The following TMC2 variants were observed in gnomAD, a reference collection of about 807,000 sequenced individuals.
The protein encoded by TMC2 is transmembrane channel like 2, also known as transmembrane channel-like protein 2.
A neutral mutation model predicts 105.9 loss-of-function variants in TMC2; 102 were observed. The ratio of observed to expected loss-of-function variants is 0.96; its 90% CI spans 0.82 to 1.14. The LOEUF is 1.14. Among genes scored for constraint, TMC2 ranks in the 50% most tolerant of loss-of-function variants. The pLI, the probability that TMC2 is intolerant of heterozygous loss-of-function variation, is 0.00. For synonymous variants in TMC2, 402 were observed against 422.8 expected, an observed-to-expected ratio of 0.95 and a Z score of 0.60; for missense variants, 1,093 against 1,134.3, an observed-to-expected ratio of 0.96 and a Z score of 0.52.
At position 2,612,319 on chromosome 20, in the gene TMC2, C is replaced by T; in HGVS notation, c.1722C>T (p.Cys574=). 1.3e-6 allele frequency: 2 copies of T among 1,584,078 alleles called. No homozygotes were observed. Among genetic ancestry groups the T allele is most frequent in the Non-Finnish European group, 1.7e-6 (2 of 1,160,074 alleles). Residue 574 remains cysteine (C), a synonymous_variant, in exon 13 of 20, where the codon TGC becomes TGT. Coordinates refer to ENST00000358864, the MANE Select transcript of TMC2 (RefSeq NM_080751.3). The part of the protein sequence containing the change: ...LHPADVPRGS[C]WETAVGIEFM... ...CTGCAGATGTGCCCCGGGGTTCTTG[C>T]TGGGAGACAGCTGTGGGCATTGTGA...
chr20:2,603,235 A>C (rs2086364498), intron 11 of TMC2, among the ~76,000 whole-genome samples: 1 of 152,182 alleles, frequency 6.6e-6, no homozygotes, highest in African/African-American at 2.4e-5. Context: ...AAAAAAAAAA[A>C]AAATGCTGCC....
intron 4 of TMC2, among the ~76,000 whole-genome samples, chr20:2,563,641 G>C (rs547487039): frequency 6.6e-6 from 1 of 152,296 alleles, no homozygotes; most frequent in African/African-American, 2.4e-5. Context: ...CAAGAAACAA[G>C]TATGGGAGGT....
At position 2,561,386 on chromosome 20, in the gene TMC2, G is replaced by A. The variant is rs184054305; in HGVS notation, c.402-472G>A. On this transcript the variant is annotated intron_variant, in intron 3 of 19. Transcript: ENST00000358864. ...AGTTTATCATCTGAATAGCCTTGCAGTATGAGTACAAAATGAACAGTGACC... is the reference window on the plus strand; with the variant it reads ...AGTTTATCATCTGAATAGCCTTGCAATATGAGTACAAAATGAACAGTGACC... Among the ~76,000 whole-genome samples, 4 of 152,292 alleles carry A rather than the reference G, an allele frequency of 2.6e-5. 1 individual carries two copies. The highest frequency in any genetic ancestry group is 2.6e-4 in the Admixed American group (4 of 15,296).
chr20:2,588,444 C>T (rs1419036185), intron 7 of TMC2, among the ~76,000 whole-genome samples: 2 of 152,198 alleles, frequency 1.3e-5, no homozygotes, highest in Non-Finnish European at 2.9e-5. Flanking sequence ...GACTGCTGAC[C>T]TACAGAACTG....
chr20:2,591,279 A>G (rs1027187640), intron 7 of TMC2, among the ~76,000 whole-genome samples: 6 of 152,188 alleles, frequency 3.9e-5, no homozygotes, highest in Non-Finnish European at 5.9e-5. Context: ...GACGTAGGAA[A>G]CTGGTCACAA....
chr20:2,569,025 C>T (rs2086084152), intron 4 of TMC2, among the ~76,000 whole-genome samples: 2 of 152,172 alleles, frequency 1.3e-5, no homozygotes, highest in Admixed American at 1.3e-4. Flanking sequence ...ACAACACCTT[C>T]TTCCATCTGC....
At chr20:2,589,036 C>T (rs2086249844) in intron 7 of TMC2, among the ~76,000 whole-genome samples, 1 of 152,206 alleles carries the variant, frequency 6.6e-6, no homozygotes, top group Middle Eastern at 3.4e-3. Context: ...TGACTGACAA[C>T]TCCCTTATTT....
intron 5 of TMC2, among the ~76,000 whole-genome samples, chr20:2,573,546 T>TTTTTC (rs2086118169): frequency 6.7e-6 from 1 of 149,874 alleles, no homozygotes; most frequent in African/African-American, 2.5e-5. Context: ...AATTCTTTTT[T>TTTTTC]TTTTCTTTTC....
At position 2,597,299 on chromosome 20, in the gene TMC2, G is replaced by A; in HGVS notation, c.1224+1G>A. On this transcript the variant is annotated splice_donor_variant, in intron 10 of 19. Transcript: ENST00000358864. LOFTEE classifies it high-confidence loss of function. ...TGCATCCATCACCACCAGCTTCAAG[G>A]TAGTCACCCCAGGGCAGTTCCCACT... is the stretch of plus-strand genomic sequence containing the variant. 6.2e-7 allele frequency: 1 copy of A among 1,613,550 alleles called. No individual in the cohort carries two copies. The highest frequency in any genetic ancestry group is 8.5e-7 in the Non-Finnish European group (1 of 1,179,700).
intron 2 of TMC2, among the ~76,000 whole-genome samples, chr20:2,554,712 C>A (rs377693573): frequency 2.5e-4 from 38 of 152,114 alleles, no homozygotes; most frequent in African/African-American, 8.9e-4. Flanking sequence ...TAGAAGTGGG[C>A]TGTTTTATCT....
intron 17 of TMC2, among the ~76,000 whole-genome samples, chr20:2,625,257 C>A (rs374552157): frequency 1.3e-5 from 2 of 152,072 alleles, no homozygotes; most frequent in African/African-American, 4.8e-5. Context: ...CAAATGAGTA[C>A]AGACAACCAT....
At chr20:2,624,705 TG>T (rs1215885860) in intron 17 of TMC2, among the ~76,000 whole-genome samples, 5 of 151,632 alleles carry the variant, frequency 3.3e-5, no homozygotes, top group African/African-American at 1.2e-4. Context: ...ATGGGTAAAA[TG>T]GCTTCAAGGG....
Position 2,546,421 on chromosome 20 carries a change from T to C in TMC2, c.82+9105T>C, listed in dbSNP as rs150244448. Among the ~76,000 whole-genome samples, 41 of 151,462 alleles carry C rather than the reference T, an allele frequency of 2.7e-4. No individual in the cohort carries two copies. The South Asian group carries it at 3.8e-3, about 14-fold the overall frequency. ...AAGTAGCCTTAAGTCAGGGAGAGGA[T>C]AGGAGGCAGGTAAAAGAATAGGAAA... is the stretch of plus-strand genomic sequence containing the variant. On this transcript the variant is annotated intron_variant, in intron 2 of 19. Transcript: ENST00000358864.
chr20:2,605,461 G>A (rs1232256432), intron 11 of TMC2, among the ~76,000 whole-genome samples: 1 of 152,120 alleles, frequency 6.6e-6, no homozygotes, highest in Non-Finnish European at 1.5e-5. Flanking sequence ...CCTTTCTTCT[G>A]TGCATGTGCA....
Position 2,570,973 on chromosome 20 carries a change from G to A in TMC2, c.555-1206G>A, listed in dbSNP as rs749059924. ...TGCAGAAGAGTGAAACTGGACCCCC[G>A]CCTCTCACCATACACAAAAATCAGC... On this transcript the variant is annotated intron_variant, in intron 4 of 19. Coordinates refer to ENST00000358864, the MANE Select transcript of TMC2 (RefSeq NM_080751.3). 2.6e-5 allele frequency among the ~76,000 whole-genome samples: 4 copies of A among 152,114 alleles called. 1 individual carries two copies. The highest frequency in any genetic ancestry group is 1.3e-4 in the Admixed American group (2 of 15,268).
rs1568510157 is a variant in TMC2 at position 2,573,782 on chromosome 20, G to GCA, written c.645+1513_645+1514insCA. Among the ~76,000 whole-genome samples the GCA allele has an allele frequency of 2.7e-5, 4 of 150,698 alleles. No individual in the cohort carries two copies. In the East Asian group the frequency reaches 7.8e-4, roughly 29 times the overall value. On this transcript the variant is annotated intron_variant, in intron 5 of 19. Transcript: ENST00000358864. ...TCACCGTGTTAGCCAGGATGGTCTC[G>GCA]ATCTCCTGACCTCGTGATCCGCCCG...
chr20:2,641,165 G>A lies in TMC2; in HGVS notation c.2535G>A (p.Gln845=). The change falls in exon 20 of 20, where the codon CAG becomes CAA. Residue 845 remains glutamine, a synonymous_variant. Coordinates refer to ENST00000358864, the MANE Select transcript of TMC2 (RefSeq NM_080751.3). ...CTCCTCCCTCTGCCAGCCAAAGCCA[G>A]GCCATGGACAAGAAGGCGCAGGGCC... ...ETTPPSASQS[Q]AMDKKAQGPG... 2.5e-6 allele frequency: 4 copies of A among 1,614,086 alleles called. No individual in the cohort carries two copies. The highest frequency in any genetic ancestry group is 1.7e-5 in the Admixed American group (1 of 60,010).
chr20:2,613,752 G>C, intron 14 of TMC2: 1 of 271,174 alleles, frequency 3.7e-6, no homozygotes, highest in Non-Finnish European at 7.2e-6. Context: ...ATGATGCTTT[G>C]AGAAACCTCC....
rs999602924 is a variant in TMC2 at position 2,636,022 on chromosome 20, T to G, written c.2385+18T>G. 1.9e-6 allele frequency: 3 copies of G among 1,609,788 alleles called. No homozygotes were observed. Among genetic ancestry groups the G allele is most frequent in the African/African-American group, 2.7e-5 (2 of 74,970 alleles). ...TCCAAGTGGTGAGTCTGTTGGGAGTTTCATCCTGGACGGTAAAAAGAGATC... is the reference window on the plus strand; with the variant it reads ...TCCAAGTGGTGAGTCTGTTGGGAGTGTCATCCTGGACGGTAAAAAGAGATC... On this transcript the variant is annotated intron_variant, in intron 18 of 19. Transcript: ENST00000358864.
Sources: gnomAD v4.1 joint callset for allele counts (sites outside exome capture counted in the v4.1 genomes callset) on GRCh38, gnomAD v4.1.1 for gene constraint, MANE v1.5 for transcripts, NCBI Gene and HGNC (gene_info 2026-07-23, HGNC 2026-07-21) for gene names.